The following SSUH2 variants were observed in gnomAD, a reference collection of about 807,000 sequenced individuals.
SSUH2 encodes protein SSUH2 homolog.
SSUH2 carries 47 observed loss-of-function variants against 55.3 expected under a neutral mutation model. The ratio of observed to expected loss-of-function variants is 0.85; its 90% confidence interval spans 0.67 to 1.08. The LOEUF (loss-of-function observed/expected upper bound fraction) is 1.08, where lower values mean the gene tolerates loss of function less well. Ranked by LOEUF, SSUH2 falls within the 50% of genes least tolerant of loss-of-function variation. The probability of loss-of-function intolerance (pLI) is 0.00; values close to 1 mark genes in which losing one functional copy is unlikely to be tolerated. For synonymous variants in SSUH2, 212 were observed against 191.5 expected, an observed-to-expected ratio of 1.11 and a Z score of -0.89; for missense variants, 535 against 490.7, an observed-to-expected ratio of 1.09 and a Z score of -0.85.
chr3:8,672,594 G>T (rs1053065930), intron 3 of SSUH2, among the ~76,000 whole-genome samples: 1 of 152,022 alleles, frequency 6.6e-6, no homozygotes, highest in Non-Finnish European at 1.5e-5. Flanking sequence ...CAGGATGGGT[G>T]TACACCCCCT....
Position 8,623,629 on chromosome 3 carries a change from G to A in SSUH2, c.901C>T (p.Arg301Ter), listed in dbSNP as rs1462439855. ...CTCTGGGAGGCAAGAGAGATGTCTC[G>A]CAGAGGGAAGTCCACGATGGGGTAC... Reference protein sequence around the residue: ...VVYPIVDFPLRDISLASQRGI... With the variant: ...VVYPIVDFPL Residue 301 changes from arginine (R) to a stop codon, truncating the protein, a stop_gained, in exon 11 of 12, where the codon CGA becomes TGA. Coordinates refer to ENST00000544814, the MANE Select transcript of SSUH2 (RefSeq NM_001256748.3). LOFTEE classifies it high-confidence loss of function. 1.8e-5 allele frequency: 28 copies of A among 1,540,500 alleles called. No homozygotes were observed. The highest frequency in any genetic ancestry group is 2.7e-5 in the African/African-American group (2 of 72,808).
At chr3:8,670,298 C>T (rs1254153647) in intron 5 of SSUH2, among the ~76,000 whole-genome samples, 4 of 152,098 alleles carry the variant, frequency 2.6e-5, no homozygotes, top group African/African-American at 7.2e-5. Context: ...ACAAGGTGTA[C>T]ACCTTCTGTG....
intron 7 of SSUH2, among the ~76,000 whole-genome samples, chr3:8,658,516 G>A (rs538057030): frequency 9.3e-4 from 141 of 152,336 alleles, no homozygotes; most frequent in African/African-American, 3.3e-3. Context: ...GGGCAGGTGC[G>A]TAAACTCTGT....
chr3:8,663,689 C>T (rs1269912584), intron 6 of SSUH2: 2 of 394,966 alleles, frequency 5.1e-6, no homozygotes, highest in African/African-American at 2.1e-5. Flanking sequence ...GATTAACTAA[C>T]TCAGCCTCCC....
chr3:8,640,616 C>T (rs1700661320), intron 1 of SSUH2, among the ~76,000 whole-genome samples: 1 of 151,678 alleles, frequency 6.6e-6, no homozygotes, highest in Non-Finnish European at 1.5e-5. Context: ...GGAAAAAGAA[C>T]ACAGAGAAAA....
chr3:8,639,980 C>T, intron 1 of SSUH2: 1 of 985,396 alleles, frequency 1.0e-6, no homozygotes, highest in South Asian at 4.7e-5. Context: ...TGCACAAATG[C>T]CTCGTGATTT....
chr3:8,619,404 A>G lies in SSUH2; in HGVS notation c.*464T>C, dbSNP rs1483169732. On this transcript the variant is annotated 3_prime_UTR_variant, in exon 12 of 12. Coordinates refer to ENST00000544814, the MANE Select transcript of SSUH2 (RefSeq NM_001256748.3). ...CACAGAATGGGCAGTAACATATTGC[A>G]CTTTATGCCTAAGTGCAGTATTTAT... 6.4e-6 allele frequency: 1 copy of G among 155,742 alleles called. No homozygotes were observed. Among genetic ancestry groups the G allele is most frequent in the East Asian group, 1.9e-4 (1 of 5,238 alleles). 9.6% of individuals were successfully genotyped at this position (155,742 alleles called of 1,614,324 possible).
intron 1 of SSUH2, among the ~76,000 whole-genome samples, chr3:8,644,115 T>C (rs164958): frequency 0.65 from 98,275 of 152,038 alleles, 32,684 homozygotes; most frequent in South Asian, 0.84. Flanking sequence ...TTTAAATAGC[T>C]CTGAGAATCC....
At chr3:8,680,121 A>T (rs1705852406) in intron 1 of SSUH2, among the ~76,000 whole-genome samples, 1 of 152,092 alleles carries the variant, frequency 6.6e-6, no homozygotes, top group South Asian at 2.1e-4. Context: ...TGGACTTTTA[A>T]CCCAAACTGT....
chr3:8,681,336 C>T (rs958368341), intron 1 of SSUH2, among the ~76,000 whole-genome samples: 2 of 148,474 alleles, frequency 1.3e-5, no homozygotes, highest in African/African-American at 2.5e-5. Flanking sequence ...AGGCACCCCC[C>T]GCGGCTCGGG....
At position 8,619,721 on chromosome 3, in the gene SSUH2, G is replaced by T. The variant is rs1392066979; in HGVS notation, c.*147C>A. The T allele has an allele frequency of 5.8e-6, 5 of 869,462 alleles. No homozygotes were observed. The highest frequency in any genetic ancestry group is 6.9e-6 in the Non-Finnish European group (4 of 575,612). 53.9% of individuals were successfully genotyped at this position (869,462 alleles called of 1,614,324 possible). On this transcript the variant is annotated 3_prime_UTR_variant, in exon 12 of 12. Transcript: ENST00000544814. ...GGAGCTGTATAAGGGGTTGGAGCTT[G>T]ATAGATGATAAGCTGGTTTTTCTGG... is the stretch of plus-strand genomic sequence containing the variant.
upstream of SSUH2, among the ~76,000 whole-genome samples, chr3:8,646,662 G>A (rs912799800): frequency 1.3e-5 from 2 of 152,216 alleles, no homozygotes; most frequent in African/African-American, 4.8e-5. Context: ...AGTGCTGTCT[G>A]CAACAGTGTG....
At chr3:8,637,126 C>T (rs555753411) in intron 1 of SSUH2, among the ~76,000 whole-genome samples, 20 of 152,298 alleles carry the variant, frequency 1.3e-4, no homozygotes, top group South Asian at 4.1e-4. Context: ...GACACACTCT[C>T]GTGACGCCAG....
chr3:8,678,843 G>T, intron 2 of SSUH2, among the ~76,000 whole-genome samples: 1 of 110,602 alleles, frequency 9.0e-6, no homozygotes, highest in African/African-American at 3.1e-5. Context: ...CGGGGACTGA[G>T]AACCAATCCC....
chr3:8,637,240 A>G (rs141795059), intron 1 of SSUH2, among the ~76,000 whole-genome samples: 3 of 152,240 alleles, frequency 2.0e-5, no homozygotes, highest in East Asian at 3.9e-4. Flanking sequence ...TTGGGACATA[A>G]CCCCACTGTA....
At chr3:8,676,235 C>G (rs61361966) in intron 3 of SSUH2, among the ~76,000 whole-genome samples, 8,810 of 151,916 alleles carry the variant, frequency 0.058, 876 homozygotes, top group African/African-American at 0.2. Context: ...AGGGTGTACA[C>G]CCGTCTGTAC....
chr3:8,645,945 T>G (rs1162370903), upstream of SSUH2, among the ~76,000 whole-genome samples: 4 of 152,228 alleles, frequency 2.6e-5, no homozygotes, highest in Non-Finnish European at 1.5e-5. Context: ...GACTCAGTCC[T>G]CACAAATCGA....
intron 1 of SSUH2, 83 bp from the exon 2 acceptor site, chr3:8,635,940 CG>C: frequency 1.6e-6 from 2 of 1,214,674 alleles, no homozygotes. Context: ...GAAATTAGGG[CG>C]GGTGCATTAT....
intron 11 of SSUH2, among the ~76,000 whole-genome samples, chr3:8,621,406 C>T (rs562324195): frequency 4.4e-4 from 67 of 152,312 alleles, no homozygotes; most frequent in African/African-American, 1.5e-3. Context: ...CTGGCTGCTT[C>T]GACTTCTCTC....
Sources: gnomAD v4.1 joint callset for allele counts (sites outside exome capture counted in the v4.1 genomes callset) on GRCh38, gnomAD v4.1.1 for gene constraint, MANE v1.5 for transcripts, NCBI Gene and HGNC (gene_info 2026-07-23, HGNC 2026-07-21) for gene names.